Variants in GNB5 observed in about 807,000 individuals in gnomAD.
The protein encoded by GNB5 is G protein subunit beta 5, also known as guanine nucleotide-binding protein subunit beta-5.
GNB5 carries 37 observed loss-of-function variants against 55.3 expected under a neutral mutation model. That is an observed-to-expected ratio of 0.67 (90% CI 0.51 to 0.88). The LOEUF (loss-of-function observed/expected upper bound fraction) is 0.88. Ranked by LOEUF, GNB5 falls within the 40% of genes least tolerant of loss-of-function variation. The pLI is 0.00. For missense variants in GNB5, 476 were observed against 515.3 expected, an observed-to-expected ratio of 0.92 and a Z score of 0.74; for synonymous variants, 219 against 198.5, an observed-to-expected ratio of 1.10 and a Z score of -0.87.
At chr15:52,188,662 T>C (rs1207341527) in intron 1 of GNB5, among the ~76,000 whole-genome samples, 1 of 152,230 alleles carries the variant, frequency 6.6e-6, no homozygotes, top group Non-Finnish European at 1.5e-5. Flanking sequence ...AATTTTGACA[T>C]GAAGTTGCTC....
At chr15:52,172,703 C>T (rs375199279) in intron 3 of GNB5, among the ~76,000 whole-genome samples, 4 of 152,016 alleles carry the variant, frequency 2.6e-5, no homozygotes, top group African/African-American at 7.2e-5. Flanking sequence ...GAGTTTGAGG[C>T]GGCAGTGAAC....
intron 2 of GNB5, among the ~76,000 whole-genome samples, chr15:52,181,680 A>T (rs2034773462): frequency 6.6e-6 from 1 of 152,158 alleles, no homozygotes; most frequent in African/African-American, 2.4e-5. Context: ...ACTTTAGCAG[A>T]CTTCTCCGTA....
At chr15:52,136,170 A>ACACC (rs2033714618) in intron 7 of GNB5, among the ~76,000 whole-genome samples, 1 of 114,374 alleles carries the variant, frequency 8.7e-6, no homozygotes, top group Non-Finnish European at 1.9e-5. Flanking sequence ...ACACACACAC[A>ACACC]CACCCTACCT....
chr15:52,119,693 T>C lies in GNB5; in HGVS notation c.*3064A>G, dbSNP rs1250695969. The C allele has an allele frequency of 6.6e-6, 1 of 152,082 alleles. No homozygotes were observed. Among genetic ancestry groups the C allele is most frequent in the Admixed American group, 6.5e-5 (1 of 15,268 alleles). The allele number at this position is 152,082 out of a possible 1,614,324, so 9.4% of individuals were successfully genotyped here. ...ATGTTACAAATGGGGAAACTGAGGC[T>C]GAGAAAAACTCAGATATTATCATAT... is the stretch of plus-strand genomic sequence containing the variant. On this transcript the variant is annotated 3_prime_UTR_variant, in exon 13 of 13. Coordinates refer to ENST00000261837, the MANE Select transcript of GNB5 (RefSeq NM_016194.4).
chr15:52,150,139 C>T (rs1227636265), intron 4 of GNB5, among the ~76,000 whole-genome samples: 2 of 152,184 alleles, frequency 1.3e-5, no homozygotes, highest in South Asian at 4.1e-4. Flanking sequence ...GATCAGTTCT[C>T]AACCTTACAT....
chr15:52,146,912 A>T (rs973964477), intron 6 of GNB5, among the ~76,000 whole-genome samples: 4 of 151,940 alleles, frequency 2.6e-5, no homozygotes, highest in African/African-American at 9.7e-5. Flanking sequence ...AAATACTACA[A>T]TTAATGTCAT....
intron 4 of GNB5, among the ~76,000 whole-genome samples, chr15:52,153,680 A>G (rs1030565390): frequency 2.6e-5 from 4 of 152,236 alleles, no homozygotes; most frequent in Non-Finnish European, 4.4e-5. Flanking sequence ...TCATTTACAA[A>G]TAAGACTTTG....
chr15:52,154,204 G>A, intron 3 of GNB5, 128 bp from the exon 4 acceptor site: 2 of 744,538 alleles, frequency 2.7e-6, no homozygotes, highest in South Asian at 4.4e-5. Flanking sequence ...ACAAGCCACA[G>A]CTTGATTCTC....
intron 3 of GNB5, among the ~76,000 whole-genome samples, chr15:52,165,205 G>A (rs184102414): frequency 6.6e-6 from 1 of 152,128 alleles, no homozygotes; most frequent in East Asian, 1.9e-4. Context: ...AGTAAATATG[G>A]GATTATGTAA....
rs2033267388 is a variant in GNB5 at position 52,121,540 on chromosome 15, CGTT to C, written c.*1214_*1216del. 6.6e-6 allele frequency: 1 copy of C among 151,976 alleles called. No individual in the cohort carries two copies. Among genetic ancestry groups the C allele is most frequent in the African/African-American group, 2.4e-5 (1 of 41,462 alleles). 9.4% of individuals were successfully genotyped at this position (151,976 alleles called of 1,614,324 possible). A position where few individuals can be genotyped will look rare whatever the true frequency, so the allele number is the denominator to read the frequency against. On this transcript the variant is annotated 3_prime_UTR_variant, in exon 13 of 13. Transcript: ENST00000261837. ...CGTTTTTCTATGTAAGAGGAGCAGA[CGTT>C]ATTATTCATGACTATCAATCAATCT...
intron 3 of GNB5, among the ~76,000 whole-genome samples, chr15:52,176,532 T>A (rs559655993): frequency 6.6e-6 from 1 of 151,866 alleles, no homozygotes; most frequent in African/African-American, 2.4e-5. Context: ...GCTGGGCGAG[T>A]CTGGGCTGGG....
At chr15:52,140,352 C>T (rs1014481267) in intron 7 of GNB5, 9 of 154,084 alleles carry the variant, frequency 5.8e-5, no homozygotes, top group African/African-American at 2.2e-4. Context: ...CCCCACCCAC[C>T]TCTCGGCTGC....
intron 5 of GNB5, among the ~76,000 whole-genome samples, chr15:52,147,802 C>T (rs191832850): frequency 2.1e-3 from 314 of 152,222 alleles, no homozygotes; most frequent in African/African-American, 7.4e-3. Flanking sequence ...AGGCTGGTCT[C>T]GAACTCCTGA....
rs567076200 is a variant in GNB5 at position 52,117,415 on chromosome 15, A to G, written c.*5342T>C. 11 of 152,308 alleles carry G rather than the reference A, an allele frequency of 7.2e-5. No homozygotes were observed. Among genetic ancestry groups the G allele is most frequent in the African/African-American group, 2.6e-4 (11 of 41,558 alleles). The allele number at this position is 152,308 out of a possible 1,614,324, so 9.4% of individuals were successfully genotyped here. On this transcript the variant is annotated 3_prime_UTR_variant, in exon 13 of 13. Transcript: ENST00000261837. ...AATACACAGTAAATTATTGTTAGCG[A>G]TAGTCACCCTACAGTGCCGCCAAAC...
chr15:52,152,189 G>C (rs1349942524), intron 4 of GNB5, among the ~76,000 whole-genome samples: 1 of 151,092 alleles, frequency 6.6e-6, no homozygotes, highest in Non-Finnish European at 1.5e-5. Flanking sequence ...TACAGTTTGT[G>C]GATTATCTAG....
At position 52,124,442 on chromosome 15, in the gene GNB5, A is replaced by G. The variant is rs767011432; in HGVS notation, c.1176+31T>C. On this transcript the variant is annotated intron_variant, in intron 12 of 12. Transcript: ENST00000261837. ...TGTCACCAGTCCTCTCTCCTCTCAC[A>G]CACAGGAAAACAGAAAACCATCCCT... is the stretch of plus-strand genomic sequence containing the variant. 6 of 1,578,398 alleles carry G rather than the reference A, an allele frequency of 3.8e-6. No homozygotes were observed. The Admixed American group carries it at 8.5e-5, about 22-fold the overall frequency.
At chr15:52,151,917 G>A (rs1566941362) in intron 4 of GNB5, among the ~76,000 whole-genome samples, 1 of 151,932 alleles carries the variant, frequency 6.6e-6, no homozygotes, top group Non-Finnish European at 1.5e-5. Context: ...GCTGAAGTGA[G>A]CTGCACTCCA....
intron 3 of GNB5, among the ~76,000 whole-genome samples, chr15:52,179,248 C>A (rs1165241994): frequency 6.6e-6 from 1 of 152,166 alleles, no homozygotes; most frequent in Non-Finnish European, 1.5e-5. Flanking sequence ...CAGCTCCCCG[C>A]CCCAAGGATA....
At chr15:52,127,255 C>T (rs535755013) in intron 10 of GNB5, among the ~76,000 whole-genome samples, 2 of 152,334 alleles carry the variant, frequency 1.3e-5, no homozygotes, top group East Asian at 3.9e-4. Flanking sequence ...CATCCGATGA[C>T]TTAAAACTTA....
Sources: gnomAD v4.1 joint callset for allele counts (sites outside exome capture counted in the v4.1 genomes callset) on GRCh38, gnomAD v4.1.1 for gene constraint, MANE v1.5 for transcripts, NCBI Gene and HGNC (gene_info 2026-07-23, HGNC 2026-07-21) for gene names.